METTL6: variants seen among roughly 807,000 people sequenced by gnomAD.
METTL6 encodes the protein methyltransferase 6, tRNA N3-cytidine.
In METTL6, 22 loss-of-function variants were observed where a neutral mutation model predicts 26.4. That is an observed-to-expected ratio of 0.83 (90% CI 0.59 to 1.19). METTL6 has a LOEUF of 1.19. Ranked by LOEUF, METTL6 falls within the 50% of genes most tolerant of loss-of-function variation. METTL6 has a pLI of 0.00. For missense variants in METTL6, 304 were observed against 324.8 expected (o/e 0.94, Z 0.49); for synonymous variants, 109 against 116.2 (o/e 0.94, Z 0.40).
intron 6 of METTL6, among the ~76,000 whole-genome samples, chr3:15,392,444 G>A (rs1290717300): frequency 6.6e-6 from 1 of 152,124 alleles, no homozygotes; most frequent in African/African-American, 2.4e-5. Context: ...CATTCTGTAG[G>A]TTGCCTGTTC....
At chr3:15,414,350 G>C in intron 4 of METTL6, 188 bp from the exon 5 acceptor site, 16 of 1,302,586 alleles carry the variant, frequency 1.2e-5, no homozygotes, top group Middle Eastern at 3.0e-4. Flanking sequence ...ATAACACTAA[G>C]ACACTTCTTT....
chr3:15,415,864 G>A lies in METTL6; in HGVS notation c.439C>T (p.Pro147Ser). 6.2e-7 allele frequency: 1 copy of A among 1,614,150 alleles called. No individual in the cohort carries two copies. The highest frequency in any genetic ancestry group is 8.5e-7 in the Non-Finnish European group (1 of 1,180,014). ...LTKDDLLDHV[P>S]PESVDVVMLI... is the part of the protein sequence containing the mutation. Reference sequence around the variant, plus strand: ...ATAACAACATCCACAGACTCTGGCGGTACATGATCCAGAAGATCATCTTTA... The same window carrying A: ...ATAACAACATCCACAGACTCTGGCGATACATGATCCAGAAGATCATCTTTA... Residue 147 changes from proline (P) to serine (S), a missense_variant, in exon 4 of 6, where the codon CCG becomes TCG. Transcript: ENST00000383790.
At chr3:15,387,837 G>C (rs1266902822) in intron 6 of METTL6, among the ~76,000 whole-genome samples, 6 of 150,052 alleles carry the variant, frequency 4.0e-5, no homozygotes, top group Admixed American at 2.0e-4. Flanking sequence ...TTTTGAGACA[G>C]GATCTTGCTC....
intron 5 of METTL6, 73 bp from the exon 6 acceptor site, chr3:15,411,510 A>G: frequency 1.6e-5 from 23 of 1,413,558 alleles, no homozygotes; most frequent in Non-Finnish European, 2.2e-5. Flanking sequence ...TTGAGGAGGG[A>G]TAGAGGGCTG....
intron 6 of METTL6, among the ~76,000 whole-genome samples, chr3:15,391,627 T>C (rs2124903603): frequency 6.6e-6 from 1 of 151,560 alleles, no homozygotes. Context: ...TAGGTATATC[T>C]CCTAATGCTA....
intron 6 of METTL6, among the ~76,000 whole-genome samples, chr3:15,401,536 C>CA (rs35578326): frequency 0.035 from 2,466 of 71,350 alleles, 59 homozygotes; most frequent in African/African-American, 0.088. Flanking sequence ...ATGTTCACGC[C>CA]AAAAAAAAAA....
In METTL6 at chr3:15,411,385, C is replaced by G; in HGVS notation, c.726G>C (p.Glu242Asp). Residue 242 changes from glutamate to aspartate, a missense_variant, in exon 6 of 6, where the codon GAG becomes GAC. Physicochemically the swap from Glu to Asp is conservative, Grantham distance 45 (BLOSUM62 2). Transcript: ENST00000383790. ...TATTCACCGTCTCTCGAAACACATACTCGTTTACCACTTCTTCATAACCTG... is the reference window on the plus strand; with the variant it reads ...TATTCACCGTCTCTCGAAACACATAGTCGTTTACCACTTCTTCATAACCTG... ...MDTGYEEVVN[E>D]YVFRETVNKK... 6.2e-7 allele frequency: 1 copy of G among 1,614,202 alleles called. No homozygotes were observed. The highest frequency in any genetic ancestry group is 8.5e-7 in the Non-Finnish European group (1 of 1,180,024).
exon 7 of METTL6, chr3:15,381,321 A>G (rs1308752938): frequency 1.3e-5 from 2 of 152,190 alleles, no homozygotes; most frequent in African/African-American, 4.8e-5. Flanking sequence ...GCAAACCAAG[A>G]AAATGGAAGA....
At chr3:15,412,660 T>TA (rs1418466039) in intron 5 of METTL6, among the ~76,000 whole-genome samples, 2 of 151,930 alleles carry the variant, frequency 1.3e-5, no homozygotes, top group African/African-American at 4.8e-5. Flanking sequence ...ATATTTTTTT[T>TA]TTTTTATTTT....
chr3:15,397,923 A>C (rs1176836083), intron 6 of METTL6, among the ~76,000 whole-genome samples: 1 of 152,126 alleles, frequency 6.6e-6, no homozygotes, highest in Non-Finnish European at 1.5e-5. Context: ...TCTGACACCC[A>C]TGCTTTACCT....
Position 15,426,494 on chromosome 3 carries a change from C to G in METTL6, c.18G>C (p.Arg6Ser), listed in dbSNP as rs558738186. Residue 6 changes from arginine to serine, a missense_variant, in exon 2 of 6, where the codon AGG becomes AGC. Arg to Ser is a moderately radical substitution (Grantham distance 110). Coordinates refer to ENST00000383790, the MANE Select transcript of METTL6 (RefSeq NM_152396.4). MASLQRKGLQARILTS... is the reference protein window; with the variant it reads MASLQSKGLQARILTS... ...TGAGAATCCTTGCCTGCAGCCCTTT[C>G]CTTTGCAAAGAAGCCATCTCTGAAA... The G allele has an allele frequency of 6.2e-6, 10 of 1,613,748 alleles. No individual in the cohort carries two copies. In the African/African-American group the frequency reaches 1.3e-4, roughly 22 times the overall value.
intron 6 of METTL6, among the ~76,000 whole-genome samples, chr3:15,391,672 C>T (rs535159649): frequency 8.5e-5 from 11 of 129,150 alleles, no homozygotes; most frequent in East Asian, 2.8e-4. Context: ...CAATAGGCCC[C>T]GGTGTGTGAT....
At chr3:15,397,434 C>A (rs13068150) in intron 6 of METTL6, among the ~76,000 whole-genome samples, 2 of 151,912 alleles carry the variant, frequency 1.3e-5, no homozygotes, top group East Asian at 1.9e-4. Flanking sequence ...TGTGCTTCCC[C>A]GGGGAGGCGA....
intron 3 of METTL6, among the ~76,000 whole-genome samples, chr3:15,416,992 T>C (rs1475059631): frequency 1.1e-4 from 17 of 152,198 alleles, no homozygotes. Context: ...TCTTTAAGAA[T>C]AGCCAAGTCA....
chr3:15,417,818 G>A (rs773137009), intron 3 of METTL6, among the ~76,000 whole-genome samples: 1 of 152,006 alleles, frequency 6.6e-6, no homozygotes, highest in African/African-American at 2.4e-5. Context: ...ACAGGCCCAC[G>A]GTACCAGTTC....
intron 6 of METTL6, among the ~76,000 whole-genome samples, chr3:15,391,446 T>C (rs1699342655): frequency 6.6e-6 from 1 of 152,126 alleles, no homozygotes; most frequent in African/African-American, 2.4e-5. Context: ...TCCACTCTAC[T>C]AAAATGTTAC....
downstream of METTL6, among the ~76,000 whole-genome samples, chr3:15,407,666 C>A (rs950858502): frequency 9.8e-5 from 15 of 152,298 alleles, no homozygotes; most frequent in African/African-American, 3.6e-4. Context: ...ACCAACAGCC[C>A]GTTAGTCTTC....
At chr3:15,425,117 T>C (rs1328806805) in intron 2 of METTL6, 28 bp from the exon 3 acceptor site, 1 of 1,609,518 alleles carries the variant, frequency 6.2e-7, no homozygotes, top group Non-Finnish European at 8.5e-7. Flanking sequence ...AAAGTTATAG[T>C]ATATCACATT....
chr3:15,414,001 C>G lies in METTL6; in HGVS notation c.673+20G>C. On this transcript the variant is annotated intron_variant, in intron 5 of 5. Coordinates refer to ENST00000383790, the MANE Select transcript of METTL6 (RefSeq NM_152396.4). ...AAACAAAGAATAAAACATTTAAAGA[C>G]TGGATTCCATTCATCTTACCATCAG... 1 of 1,613,774 alleles carries G rather than the reference C, an allele frequency of 6.2e-7. No individual in the cohort carries two copies. Among genetic ancestry groups the G allele is most frequent in the Non-Finnish European group, 8.5e-7 (1 of 1,179,880 alleles).
Sources: allele counts gnomAD v4.1 joint callset (sites outside exome capture counted in the v4.1 genomes callset), GRCh38; gene constraint gnomAD v4.1.1; transcripts MANE v1.5; gene names NCBI Gene and HGNC (gene_info 2026-07-23, HGNC 2026-07-21).